KCNH8: variants seen among roughly 807,000 people sequenced by gnomAD.
KCNH8 encodes the protein voltage-gated delayed rectifier potassium channel KCNH8.
KCNH8 carries 70 observed loss-of-function variants against 103.6 expected under a neutral mutation model. The observed-to-expected ratio is 0.68, with a 90% CI of 0.56 to 0.82. KCNH8 has a LOEUF of 0.82. Among genes scored for constraint, KCNH8 ranks in the 40% least tolerant of loss-of-function variants. The pLI, the probability that KCNH8 is intolerant of heterozygous loss-of-function variation, is 0.00. For synonymous variants in KCNH8, 498 were observed against 489.4 expected, an observed-to-expected ratio of 1.02 and a Z score of -0.23; for missense variants, 1,217 against 1,329.9, an observed-to-expected ratio of 0.92 and a Z score of 1.32.
At chr3:19,253,240 G>C (rs758107600) in intron 1 of KCNH8, among the ~76,000 whole-genome samples, 3 of 152,064 alleles carry the variant, frequency 2.0e-5, no homozygotes, top group Non-Finnish European at 4.4e-5. Context: ...CTTAGTCTCA[G>C]AATTTGCTTT....
At chr3:19,448,838 C>A in intron 8 of KCNH8, 1 of 407,968 alleles carries the variant, frequency 2.5e-6, no homozygotes, top group Non-Finnish European at 4.6e-6. Context: ...AATCCTGTCC[C>A]AGAATAAGGA....
At chr3:19,436,617 G>C (rs2067203479) in intron 7 of KCNH8, among the ~76,000 whole-genome samples, 1 of 152,112 alleles carries the variant, frequency 6.6e-6, no homozygotes, top group Admixed American at 6.5e-5. Flanking sequence ...AGAATGAGAT[G>C]TTTCTCAAAA....
chr3:19,184,517 G>A (rs113336945), intron 1 of KCNH8, among the ~76,000 whole-genome samples: 2,770 of 151,912 alleles, frequency 0.018, 82 homozygotes, highest in African/African-American at 0.062. Context: ...AAATCTTAAC[G>A]TTTAATAAGG....
chr3:19,294,011 G>T (rs1285557367), intron 3 of KCNH8, among the ~76,000 whole-genome samples: 1 of 152,082 alleles, frequency 6.6e-6, no homozygotes, highest in African/African-American at 2.4e-5. Context: ...AAACTGTATT[G>T]TTTGGCTTTG....
At chr3:19,348,955 A>G (rs1295630396) in intron 5 of KCNH8, among the ~76,000 whole-genome samples, 5 of 151,972 alleles carry the variant, frequency 3.3e-5, no homozygotes, top group Non-Finnish European at 7.4e-5. Context: ...CTTTGAGGCT[A>G]GAGTGCGTTT....
intron 5 of KCNH8, among the ~76,000 whole-genome samples, chr3:19,350,127 G>A (rs2065780349): frequency 6.6e-6 from 1 of 151,862 alleles, no homozygotes; most frequent in African/African-American, 2.4e-5. Context: ...ATTTATTATA[G>A]CATATTTAGA....
chr3:19,150,871 C>T (rs2063122123), intron 1 of KCNH8, among the ~76,000 whole-genome samples: 1 of 152,102 alleles, frequency 6.6e-6, no homozygotes, highest in East Asian at 1.9e-4. Context: ...ATCTGACAAT[C>T]AGAGAAGCAA....
At chr3:19,292,915 A>G (rs1351288298) in intron 3 of KCNH8, among the ~76,000 whole-genome samples, 2 of 152,170 alleles carry the variant, frequency 1.3e-5, no homozygotes, top group African/African-American at 2.4e-5. Context: ...GTCATTTACC[A>G]TAACTTTGTC....
At chr3:19,377,328 G>A (rs373329681) in intron 5 of KCNH8, among the ~76,000 whole-genome samples, 3 of 152,156 alleles carry the variant, frequency 2.0e-5, no homozygotes, top group Non-Finnish European at 4.4e-5. Flanking sequence ...CCTGATCAGG[G>A]CATTGAGTGG....
chr3:19,236,608 C>T (rs192869220), intron 1 of KCNH8, among the ~76,000 whole-genome samples: 168 of 152,244 alleles, frequency 1.1e-3, no homozygotes, highest in Non-Finnish European at 1.5e-3. Context: ...ATTTTATATG[C>T]CCTTTCCTCA....
At chr3:19,289,903 G>A (rs1575499319) in intron 3 of KCNH8, among the ~76,000 whole-genome samples, 2 of 152,200 alleles carry the variant, frequency 1.3e-5, no homozygotes, top group East Asian at 3.9e-4. Flanking sequence ...CCATTTGTTT[G>A]TATCCTCTTT....
intron 5 of KCNH8, among the ~76,000 whole-genome samples, chr3:19,373,148 C>T (rs1369653279): frequency 5.3e-5 from 8 of 151,852 alleles, no homozygotes; most frequent in East Asian, 1.9e-4. Flanking sequence ...GGAGGATTCC[C>T]TCCTTTTCTG....
intron 1 of KCNH8, among the ~76,000 whole-genome samples, chr3:19,248,922 T>C (rs1314651595): frequency 1.3e-5 from 2 of 152,206 alleles, no homozygotes; most frequent in Non-Finnish European, 2.9e-5. Context: ...AATCATGAGA[T>C]TCTCTCTGAA....
At chr3:19,513,950 C>T (rs1329128289) in intron 13 of KCNH8, among the ~76,000 whole-genome samples, 3 of 148,364 alleles carry the variant, frequency 2.0e-5, no homozygotes, top group Non-Finnish European at 2.9e-5. Flanking sequence ...CAATAGCCAT[C>T]ATCAAAATCA....
rs779570913 is a variant in KCNH8, at chr3:19,347,866, A to C, written c.712A>C (p.Thr238Pro). The C allele has an allele frequency of 6.2e-7, 1 of 1,613,420 alleles. No individual in the cohort carries two copies. The highest frequency in any genetic ancestry group is 1.1e-5 in the South Asian group (1 of 91,060). ...ILLATFYVAV[T>P]VPYNVCFIGN... ...GTTGGCAACGTTTTATGTTGCTGTGACTGTACCTTACAACGTTTGCTTTAT... is the reference window on the plus strand; with the variant it reads ...GTTGGCAACGTTTTATGTTGCTGTGCCTGTACCTTACAACGTTTGCTTTAT... The change falls in exon 5 of 16, where the codon ACT (threonine) becomes CCT (proline). Residue 238 changes from threonine to proline, a missense_variant. Physicochemically the swap from Thr to Pro is conservative, Grantham distance 38. Transcript: ENST00000328405.
At chr3:19,364,649 T>C (rs1023259389) in intron 5 of KCNH8, among the ~76,000 whole-genome samples, 57 of 151,820 alleles carry the variant, frequency 3.8e-4, no homozygotes, top group Non-Finnish European at 7.4e-4. Flanking sequence ...GTGTCTTATC[T>C]CAAAAATGTA....
chr3:19,184,545 A>G (rs760212126), intron 1 of KCNH8, among the ~76,000 whole-genome samples: 3 of 152,058 alleles, frequency 2.0e-5, no homozygotes, highest in Non-Finnish European at 1.5e-5. Context: ...ACAAAAATAC[A>G]TTCTTTATAA....
At position 19,347,111 on chromosome 3, in the gene KCNH8, G is replaced by A. The variant is rs1035948794; in HGVS notation, c.571-614G>A. Among the ~76,000 whole-genome samples the A allele has an allele frequency of 4.6e-5, 7 of 152,182 alleles. No homozygotes were observed. The East Asian group carries it at 7.7e-4, about 17-fold the overall frequency. Reference sequence around the variant, plus strand: ...AATAATGTCTGGCCCATGTCAGAGTGCATCTGTGTCAGTCAAGGTAACGAG... The same window carrying A: ...AATAATGTCTGGCCCATGTCAGAGTACATCTGTGTCAGTCAAGGTAACGAG... On this transcript the variant is annotated intron_variant, in intron 4 of 15. Transcript: ENST00000328405.
intron 3 of KCNH8, among the ~76,000 whole-genome samples, chr3:19,283,591 A>C (rs967348277): frequency 6.6e-6 from 1 of 152,032 alleles, no homozygotes; most frequent in Non-Finnish European, 1.5e-5. Flanking sequence ...GTCCCATAGA[A>C]GTATGTAGTA....
Sources: gnomAD v4.1 joint callset for allele counts (sites outside exome capture counted in the v4.1 genomes callset) on GRCh38, gnomAD v4.1.1 for gene constraint, MANE v1.5 for transcripts, NCBI Gene and HGNC (gene_info 2026-07-23, HGNC 2026-07-21) for gene names.